Variants in MED12L observed in about 807,000 individuals in gnomAD.
MED12L encodes mediator complex subunit 12L, also known as mediator of RNA polymerase II transcription subunit 12-like protein.
In MED12L, 60 loss-of-function variants were observed where a neutral mutation model predicts 281.3. That is an observed-to-expected ratio of 0.21 (90% CI 0.17 to 0.26). MED12L has a LOEUF of 0.26. Ranked by LOEUF, MED12L falls within the 10% of genes least tolerant of loss-of-function variation. The pLI is 1.00. For missense variants in MED12L, 2,146 were observed against 2,680.9 expected, an observed-to-expected ratio of 0.80 and a Z score of 4.41; for synonymous variants, 974 against 987.2, an observed-to-expected ratio of 0.99 and a Z score of 0.25.
chr3:151,185,214 T>C, intron 11 of MED12L, 116 bp from the exon 12 acceptor site: 1 of 982,516 alleles, frequency 1.0e-6, no homozygotes, highest in Non-Finnish European at 1.5e-6. Flanking sequence ...AAAGCTACTA[T>C]AATAAAACAT....
At chr3:151,419,944 G>A (rs1718052335) in intron 43 of MED12L, among the ~76,000 whole-genome samples, 1 of 152,232 alleles carries the variant, frequency 6.6e-6, no homozygotes, top group East Asian at 1.9e-4. Flanking sequence ...GTTACAGTCC[G>A]CTTTTCTGCC....
chr3:151,161,447 G>A lies in MED12L; in HGVS notation c.1107+1346G>A, dbSNP rs117310329. Reference sequence around the variant, plus strand: ...GTGAGAGAGAATCCGTGAACCTGAAGGACAGGAGTGCTTAAGAGTCGGGCA... The same window carrying A: ...GTGAGAGAGAATCCGTGAACCTGAAAGACAGGAGTGCTTAAGAGTCGGGCA... On this transcript the variant is annotated intron_variant, in intron 8 of 44. Transcript: ENST00000687756. Among the ~76,000 whole-genome samples, 20 of 152,270 alleles carry A rather than the reference G, an allele frequency of 1.3e-4. No homozygotes were observed. The East Asian group carries it at 3.9e-3, about 29-fold the overall frequency.
intron 16 of MED12L, among the ~76,000 whole-genome samples, chr3:151,285,709 C>A (rs1205518421): frequency 6.6e-6 from 1 of 151,938 alleles, no homozygotes; most frequent in Non-Finnish European, 1.5e-5. Flanking sequence ...AAGAAAAAAA[C>A]ATATTGAAAT....
chr3:151,141,301 C>A (rs11714651), intron 5 of MED12L, among the ~76,000 whole-genome samples: 3,224 of 151,498 alleles, frequency 0.021, 112 homozygotes, highest in East Asian at 0.18. Context: ...GGATTACAGG[C>A]ATGAGCCACT....
intron 38 of MED12L, among the ~76,000 whole-genome samples, 174 bp from the exon 39 acceptor site, chr3:151,394,482 G>GT: frequency 6.6e-6 from 1 of 152,284 alleles, no homozygotes; most frequent in South Asian, 2.1e-4. Flanking sequence ...CTCATCTTTT[G>GT]TAAGTTATGC....
At position 151,435,062 on chromosome 3, in the gene MED12L, CTTTTTTTTTT is replaced by C. The variant is rs66791814; in HGVS notation, c.*2269_*2278del. The C allele has an allele frequency of 8.4e-6, 1 of 119,080 alleles. No individual in the cohort carries two copies. The highest frequency in any genetic ancestry group is 1.7e-5 in the Non-Finnish European group (1 of 57,276). 7.4% of individuals were successfully genotyped at this position (119,080 alleles called of 1,614,324 possible). A position where few individuals can be genotyped will look rare whatever the true frequency, so the allele number is the denominator to read the frequency against. On this transcript the variant is annotated 3_prime_UTR_variant, in exon 45 of 45. Transcript: ENST00000687756. ...GTTAATTCTGTATCTTGAGAGGTTT[CTTTTTTTTTT>C]TTTTTTTTTTCTTTTCTTGCAAATG...
intron 16 of MED12L, among the ~76,000 whole-genome samples, chr3:151,317,291 A>G (rs1276651988): frequency 2.0e-5 from 3 of 151,896 alleles, no homozygotes; most frequent in Admixed American, 1.3e-4. Flanking sequence ...TTTTACACAT[A>G]CACAATGATA....
At position 151,406,811 on chromosome 3, in the gene MED12L, T is replaced by C. The variant is rs984329147; in HGVS notation, c.5821-2432T>C. 8.0e-4 allele frequency among the ~76,000 whole-genome samples: 121 copies of C among 151,182 alleles called. 1 individual carries two copies. Among genetic ancestry groups the C allele is most frequent in the South Asian group, 6.5e-3 (31 of 4,804 alleles). ...TCCATTTCTTCTTCTTCTTTTTTTT[T>C]TTTTTTTGAGATAGGGTCTCATTCT... On this transcript the variant is annotated intron_variant, in intron 39 of 44. Coordinates refer to ENST00000687756, the MANE Select transcript of MED12L (RefSeq NM_001393769.1).
intron 16 of MED12L, among the ~76,000 whole-genome samples, chr3:151,348,941 G>T (rs1752904099): frequency 6.6e-6 from 1 of 152,222 alleles, no homozygotes; most frequent in South Asian, 2.1e-4. Flanking sequence ...AGTGCAGTTT[G>T]TTTTCTCTGT....
In MED12L at chr3:151,357,277, G is replaced by A; in HGVS notation, c.2726G>A (p.Ser909Asn). The A allele has an allele frequency of 6.2e-7, 1 of 1,613,786 alleles. No individual in the cohort carries two copies. Among genetic ancestry groups the A allele is most frequent in the Non-Finnish European group, 8.5e-7 (1 of 1,179,828 alleles). The change falls in exon 20 of 45, where the codon AGT becomes AAT. Residue 909 changes from serine to asparagine, a missense_variant. Physicochemically the swap from Ser to Asn is conservative, Grantham distance 46. This residue lies in a region of MED12L where 404 missense variants were observed against 603.5 expected (regional missense o/e 0.67). Coordinates refer to ENST00000687756, the MANE Select transcript of MED12L (RefSeq NM_001393769.1). ...CTAAAATCCTCCAGCCTGGCAGGAA[G>A]TTATACAACAGGACTGTGTGTCTGC... is the stretch of plus-strand genomic sequence containing the variant. Reference protein sequence around the residue: ...LLLKSSSLAGSYTTGLCVCIV... With the variant: ...LLLKSSSLAGNYTTGLCVCIV...
chr3:151,377,174 C>G lies in MED12L; in HGVS notation c.4312C>G (p.Leu1438Val). Reference sequence around the variant, plus strand: ...GAGACAGAATGGAATAAAGACATTCCTAAGGTATTTTTGTCTGTTGTTTTA... The same window carrying G: ...GAGACAGAATGGAATAAAGACATTCGTAAGGTATTTTTGTCTGTTGTTTTA... ...STRQNGIKTFLSSSERRGVWL... is the reference protein window; with the variant it reads ...STRQNGIKTFVSSSERRGVWL... The change falls in exon 30 of 45, where the codon CTA becomes GTA. Residue 1438 changes from leucine (L) to valine (V), a missense_variant. Physicochemically the swap from Leu to Val is conservative, Grantham distance 32 (BLOSUM62 1). This residue lies in a region of MED12L where 235 missense variants were observed against 260.3 expected (regional missense o/e 0.90). Transcript: ENST00000687756. 2 of 1,605,310 alleles carry G rather than the reference C, an allele frequency of 1.2e-6. No homozygotes were observed. Among genetic ancestry groups the G allele is most frequent in the Non-Finnish European group, 1.7e-6 (2 of 1,176,928 alleles).
intron 4 of MED12L, among the ~76,000 whole-genome samples, chr3:151,127,126 CTCTT>C (rs1714656912): frequency 6.6e-6 from 1 of 152,200 alleles, no homozygotes; most frequent in Non-Finnish European, 1.5e-5. Flanking sequence ...AATGAATTAA[CTCTT>C]TCAAACCATT....
At chr3:151,172,080 A>G (rs898278600) in intron 11 of MED12L, among the ~76,000 whole-genome samples, 12 of 152,252 alleles carry the variant, frequency 7.9e-5, no homozygotes, top group African/African-American at 2.9e-4. Context: ...ATCTGTATAT[A>G]TCAGTCTTAG....
chr3:151,153,569 T>TTC (rs1718864623), intron 5 of MED12L, among the ~76,000 whole-genome samples: 1 of 139,872 alleles, frequency 7.1e-6, no homozygotes, highest in South Asian at 2.4e-4. Context: ...TCTTTCTTTT[T>TTC]TTTTTTTTTT....
Position 151,394,827 on chromosome 3 carries a change from A to C in MED12L, c.5780A>C (p.Gln1927Pro). 1 of 1,614,210 alleles carries C rather than the reference A, an allele frequency of 6.2e-7. No individual in the cohort carries two copies. The highest frequency in any genetic ancestry group is 8.5e-7 in the Non-Finnish European group (1 of 1,180,038). Residue 1927 changes from glutamine to proline, a missense_variant, in exon 39 of 45, where the codon CAG becomes CCG. Gln to Pro is a moderately conservative substitution (Grantham distance 76). This residue lies in a region of MED12L where 496 missense variants were observed against 512.0 expected (regional missense o/e 0.97). Transcript: ENST00000687756. ...QMKLLQQQQQ[Q>P]RLLRQAQTRP... ...AAGCTTCTGCAGCAGCAGCAGCAAC[A>C]GCGACTTCTCAGGCAAGCCCAGACT...
chr3:151,261,797 G>A (rs113995135), intron 16 of MED12L, among the ~76,000 whole-genome samples: 2,134 of 152,080 alleles, frequency 0.014, 46 homozygotes, highest in African/African-American at 0.05. Flanking sequence ...TGATCTTGGC[G>A]CACTATAACC....
chr3:151,365,282 TAGTA>T (rs1328350188), intron 22 of MED12L, 76 bp downstream of exon 22: 13 of 1,231,352 alleles, frequency 1.1e-5, no homozygotes, highest in Non-Finnish European at 1.6e-5. Flanking sequence ...TTGATGTCGT[TAGTA>T]AGTGTCTGGA....
intron 16 of MED12L, among the ~76,000 whole-genome samples, chr3:151,227,840 A>G (rs989196294): frequency 6.6e-6 from 1 of 152,054 alleles, no homozygotes; most frequent in Non-Finnish European, 1.5e-5. Flanking sequence ...TTTCGGTTTC[A>G]GTTCTTTGTG....
At chr3:151,239,191 A>G (rs1433222345) in intron 16 of MED12L, among the ~76,000 whole-genome samples, 1 of 152,244 alleles carries the variant, frequency 6.6e-6, no homozygotes, top group Non-Finnish European at 1.5e-5. Flanking sequence ...TACATGACCA[A>G]TGTATGATGT....
Sources: allele counts gnomAD v4.1 joint callset (sites outside exome capture counted in the v4.1 genomes callset), GRCh38; gene constraint gnomAD v4.1.1; regional missense constraint gnomAD v4.1.1; transcripts MANE v1.5; gene names NCBI Gene and HGNC (gene_info 2026-07-23, HGNC 2026-07-21).